LRMDA: variants seen among roughly 807,000 people sequenced by gnomAD.
LRMDA encodes leucine-rich melanocyte differentiation-associated protein.
A neutral mutation model predicts 29.8 loss-of-function variants in LRMDA; 18 were observed. That is an observed-to-expected ratio of 0.60 (90% confidence interval 0.42 to 0.90). The LOEUF (loss-of-function observed/expected upper bound fraction) is 0.90, where lower values mean the gene tolerates loss of function less well. LRMDA is among the 40% of genes least tolerant of loss of function. The pLI, the probability that LRMDA is intolerant of heterozygous loss-of-function variation, is 0.00. For synonymous variants in LRMDA, 125 were observed against 109.4 expected (o/e 1.14, Z -0.89); for missense variants, 273 against 273.9 (o/e 1.00, Z 0.02).
intron 5 of LRMDA, among the ~76,000 whole-genome samples, chr10:76,251,197 T>C (rs988589383): frequency 2.0e-5 from 3 of 148,424 alleles, no homozygotes; most frequent in African/African-American, 4.9e-5. Context: ...AAAAGCACAC[T>C]GTCCATTGAA....
rs145378965 is a variant in LRMDA at position 75,727,522 on chromosome 10, G to A, written c.131+289028G>A. On this transcript the variant is annotated intron_variant, in intron 2 of 6. Coordinates refer to ENST00000611255, the MANE Select transcript of LRMDA (RefSeq NM_001305581.2). ...GCAGTAAGATATGCATATGCTTATC[G>A]CTTGCTTTTATTTTCTCTTTTAAAA... is the stretch of plus-strand genomic sequence containing the variant. 1.1e-4 allele frequency among the ~76,000 whole-genome samples: 16 copies of A among 152,222 alleles called. No homozygotes were observed. In the East Asian group the frequency reaches 2.7e-3, roughly 26 times the overall value.
intron 6 of LRMDA, among the ~76,000 whole-genome samples, chr10:76,341,150 T>C (rs900739309): frequency 6.6e-6 from 1 of 152,152 alleles, no homozygotes; most frequent in Non-Finnish European, 1.5e-5. Flanking sequence ...GTAGTCGTTA[T>C]AGTGTTTTAC....
At chr10:76,220,383 A>G (rs1038400869) in intron 5 of LRMDA, among the ~76,000 whole-genome samples, 3 of 152,190 alleles carry the variant, frequency 2.0e-5, no homozygotes, top group African/African-American at 7.2e-5. Flanking sequence ...CAAGACTAAT[A>G]AAGAAGAAAA....
At chr10:75,517,715 T>C (rs1845307927) in intron 2 of LRMDA, among the ~76,000 whole-genome samples, 1 of 152,194 alleles carries the variant, frequency 6.6e-6, no homozygotes, top group East Asian at 1.9e-4. Flanking sequence ...CTGATAGCCC[T>C]GGGCAGAACT....
At chr10:75,564,487 G>A (rs968613362) in intron 2 of LRMDA, among the ~76,000 whole-genome samples, 11 of 152,220 alleles carry the variant, frequency 7.2e-5, no homozygotes, top group South Asian at 2.1e-4. Flanking sequence ...TGCGCTTCCC[G>A]AGTGAGGCAA....
intron 2 of LRMDA, among the ~76,000 whole-genome samples, chr10:75,871,016 G>C (rs1278975393): frequency 6.6e-6 from 1 of 152,170 alleles, no homozygotes; most frequent in African/African-American, 2.4e-5. Flanking sequence ...TGCTTAATCT[G>C]TGAGGATATT....
At chr10:75,760,001 C>A (rs75260022) in intron 2 of LRMDA, among the ~76,000 whole-genome samples, 1 of 152,060 alleles carries the variant, frequency 6.6e-6, no homozygotes, top group Non-Finnish European at 1.5e-5. Context: ...AATTATGTAT[C>A]CATGTTTATA....
chr10:75,498,767 A>G (rs1386818172), intron 2 of LRMDA, among the ~76,000 whole-genome samples: 1 of 152,174 alleles, frequency 6.6e-6, no homozygotes, highest in Non-Finnish European at 1.5e-5. Context: ...AGGAATTAGC[A>G]CAGGGTGAGG....
At chr10:75,646,316 C>T (rs758983594) in intron 2 of LRMDA, among the ~76,000 whole-genome samples, 12 of 152,102 alleles carry the variant, frequency 7.9e-5, no homozygotes, top group African/African-American at 2.7e-4. Context: ...CCTGGATAGG[C>T]GCGGCCACCA....
intron 2 of LRMDA, among the ~76,000 whole-genome samples, chr10:75,452,308 A>G (rs1436211616): frequency 1.3e-5 from 2 of 152,058 alleles, no homozygotes; most frequent in African/African-American, 4.8e-5. Flanking sequence ...AGCCCTGGTT[A>G]GTGGTGTTTA....
At chr10:76,379,095 G>A (rs956360168) in intron 6 of LRMDA, among the ~76,000 whole-genome samples, 2 of 151,678 alleles carry the variant, frequency 1.3e-5, no homozygotes, top group Non-Finnish European at 2.9e-5. Context: ...GACCTCAGGT[G>A]ATCCACCCAC....
At chr10:76,355,203 C>T (rs1337016940) in intron 6 of LRMDA, among the ~76,000 whole-genome samples, 1 of 152,040 alleles carries the variant, frequency 6.6e-6, no homozygotes, top group African/African-American at 2.4e-5. Context: ...GATAAGCTAT[C>T]GTGTATGTGC....
chr10:76,092,540 G>T (rs762788147), intron 5 of LRMDA, among the ~76,000 whole-genome samples: 1 of 152,286 alleles, frequency 6.6e-6, no homozygotes, highest in East Asian at 1.9e-4. Flanking sequence ...GACTCACAGG[G>T]ATGATACGGG....
chr10:75,753,932 C>T (rs910555568), intron 2 of LRMDA, among the ~76,000 whole-genome samples: 1 of 152,158 alleles, frequency 6.6e-6, no homozygotes, highest in African/African-American at 2.4e-5. Flanking sequence ...GATAGCTTAG[C>T]ATTTGCTGGT....
chr10:76,557,015 A>G (rs1843566377), intron 6 of LRMDA, among the ~76,000 whole-genome samples, 194 bp from the exon 7 acceptor site: 2 of 152,196 alleles, frequency 1.3e-5, no homozygotes, highest in Non-Finnish European at 2.9e-5. Flanking sequence ...TTTTATTTCA[A>G]TGTCAACTCT....
At chr10:76,220,436 A>G (rs1377841936) in intron 5 of LRMDA, among the ~76,000 whole-genome samples, 4 of 152,190 alleles carry the variant, frequency 2.6e-5, no homozygotes, top group Non-Finnish European at 5.9e-5. Context: ...GATAAAGGGG[A>G]TATCACCACC....
intron 2 of LRMDA, among the ~76,000 whole-genome samples, chr10:75,909,213 G>A (rs1322697620): frequency 6.6e-6 from 1 of 152,092 alleles, no homozygotes; most frequent in Non-Finnish European, 1.5e-5. Flanking sequence ...TGTGTTTAAG[G>A]GAGGAGAACC....
intron 6 of LRMDA, among the ~76,000 whole-genome samples, chr10:76,544,726 A>G (rs919798156): frequency 4.9e-5 from 7 of 144,320 alleles, no homozygotes; most frequent in African/African-American, 2.0e-4. Flanking sequence ...ACACACACAC[A>G]CACACACACA....
intron 5 of LRMDA, among the ~76,000 whole-genome samples, chr10:76,279,114 T>C (rs1031717720): frequency 6.6e-6 from 1 of 152,180 alleles, no homozygotes; most frequent in Non-Finnish European, 1.5e-5. Context: ...CCTATAATAT[T>C]ATAAATGAGA....
Sources: gnomAD v4.1 joint callset for allele counts (sites outside exome capture counted in the v4.1 genomes callset) on GRCh38, gnomAD v4.1.1 for gene constraint, MANE v1.5 for transcripts, NCBI Gene and HGNC (gene_info 2026-07-23, HGNC 2026-07-21) for gene names.